The following GALNT2 variants were observed in gnomAD, a reference collection of about 807,000 sequenced individuals.
GALNT2 encodes polypeptide N-acetylgalactosaminyltransferase 2.
GALNT2 carries 31 observed loss-of-function variants against 81.4 expected under a neutral mutation model. That is an observed-to-expected ratio of 0.38 (90% CI 0.29 to 0.51). The LOEUF is 0.51. GALNT2 is among the 20% of genes least tolerant of loss of function. The pLI, the probability that GALNT2 is intolerant of heterozygous loss-of-function variation, is 0.87. For synonymous variants in GALNT2, 303 were observed against 287.4 expected, an observed-to-expected ratio of 1.05 and a Z score of -0.55; for missense variants, 629 against 765.7, an observed-to-expected ratio of 0.82 and a Z score of 2.11.
intron 1 of GALNT2, among the ~76,000 whole-genome samples, chr1:230,099,821 G>C (rs1335838419): frequency 2.0e-5 from 3 of 152,216 alleles, no homozygotes; most frequent in African/African-American, 7.2e-5. Context: ...ATGCCTGTAG[G>C]AAGGGCCAGT....
Position 230,178,445 on chromosome 1 carries a change from A to G in GALNT2, c.220+134A>G, listed in dbSNP as rs376938670. ...TCAGCAGGAGACACCGCCCTAAAGC[A>G]CTGCTTTGCCAACTTCCATCGGACC... On this transcript the variant is annotated intron_variant, in intron 2 of 15. Coordinates refer to ENST00000366672, the MANE Select transcript of GALNT2 (RefSeq NM_004481.5). 6.5e-6 allele frequency: 4 copies of G among 619,026 alleles called. No individual in the cohort carries two copies. The African/African-American group carries it at 7.4e-5, about 11-fold the overall frequency. 38.3% of individuals were successfully genotyped at this position (619,026 alleles called of 1,614,324 possible).
At chr1:230,153,829 C>G (rs1368827029) in intron 1 of GALNT2, among the ~76,000 whole-genome samples, 2 of 152,254 alleles carry the variant, frequency 1.3e-5, no homozygotes, top group African/African-American at 4.8e-5. Context: ...TGGTGGCACT[C>G]ACCATTCACT....
In GALNT2 at chr1:230,070,651, A is replaced by G; in HGVS notation, c.126+3245A>G. Among the ~76,000 whole-genome samples, 1 of 149,728 alleles carries G rather than the reference A, an allele frequency of 6.7e-6. No homozygotes were observed. Among genetic ancestry groups the G allele is most frequent in the South Asian group, 2.2e-4 (1 of 4,530 alleles). On this transcript the variant is annotated intron_variant, in intron 1 of 15. Transcript: ENST00000366672. The surrounding 1 kb of genome is among the most constrained non-coding windows in gnomAD (Gnocchi z 4.7). ...GCACGAGTCCTGTGGCCCTTGCCCG[A>G]GAGTCCAAGGGTGGGGGACTTTGGG...
At chr1:230,140,820 G>A (rs1419422252) in intron 1 of GALNT2, among the ~76,000 whole-genome samples, 3 of 152,110 alleles carry the variant, frequency 2.0e-5, no homozygotes. Context: ...AAAATAATGT[G>A]ACTCCCAGTA....
rs186934421 is a variant in GALNT2 at position 230,250,277 on chromosome 1, C to G, written c.906-180C>G. Among the ~76,000 whole-genome samples the G allele has an allele frequency of 1.6e-4, 25 of 152,292 alleles. No individual in the cohort carries two copies. In the East Asian group the frequency reaches 4.4e-3, roughly 27 times the overall value. On this transcript the variant is annotated intron_variant, in intron 9 of 15. Coordinates refer to ENST00000366672, the MANE Select transcript of GALNT2 (RefSeq NM_004481.5). ...CAGTGGGGGAGGCATTTGAAGGCAG[C>G]AGTGGTGAAGCAGAGAGAGTGGCAT...
At chr1:230,190,645 T>C (rs1663492461) in intron 2 of GALNT2, among the ~76,000 whole-genome samples, 1 of 152,140 alleles carries the variant, frequency 6.6e-6, no homozygotes, top group Non-Finnish European at 1.5e-5. Context: ...CACCCTCCTC[T>C]CTCTTCTCTC....
intron 1 of GALNT2, among the ~76,000 whole-genome samples, chr1:230,107,610 T>TTGTGTATGTG (rs1660578658): frequency 7.1e-6 from 1 of 141,116 alleles, no homozygotes; most frequent in Admixed American, 7.1e-5. Flanking sequence ...CTCATGGACT[T>TTGTGTATGTG]TGTGTGTGTG....
At position 230,243,229 on chromosome 1, in the gene GALNT2, G is replaced by T. The variant is rs950322760; in HGVS notation, c.608-77G>T. ...AGGCTGCAGAGCTGCGGGCAGGGAG[G>T]CGTCGCCGGTTGGCATGGGGTTGTG... On this transcript the variant is annotated intron_variant, in intron 6 of 15. Coordinates refer to ENST00000366672, the MANE Select transcript of GALNT2 (RefSeq NM_004481.5). This position sits in a 1 kb window ranked among gnomAD's most constrained non-coding sequence, Gnocchi z 4.2. 58 of 1,490,494 alleles carry T rather than the reference G, an allele frequency of 3.9e-5. No homozygotes were observed. The highest frequency in any genetic ancestry group is 2.6e-4 in the Admixed American group (12 of 46,446). The allele number at this position is 1,490,494 out of a possible 1,614,324, so 92.3% of individuals were successfully genotyped here.
At chr1:230,212,613 T>C (rs1303575634) in intron 3 of GALNT2, among the ~76,000 whole-genome samples, 2 of 152,110 alleles carry the variant, frequency 1.3e-5, no homozygotes, top group African/African-American at 4.8e-5. Flanking sequence ...CAGCGAGATA[T>C]ACGAGATGTG....
chr1:230,207,659 G>C (rs1664103917), intron 3 of GALNT2, among the ~76,000 whole-genome samples: 1 of 151,890 alleles, frequency 6.6e-6, no homozygotes, highest in Non-Finnish European at 1.5e-5. Context: ...TACAATTTTG[G>C]CTCACTGTAG....
chr1:230,256,908 CAAG>C (rs2102754744), intron 11 of GALNT2, among the ~76,000 whole-genome samples: 1 of 152,218 alleles, frequency 6.6e-6, no homozygotes, highest in South Asian at 2.1e-4. Flanking sequence ...TTTTCATGGT[CAAG>C]AGAACCTTTG....
intron 1 of GALNT2, among the ~76,000 whole-genome samples, chr1:230,104,447 G>A (rs1660482803): frequency 6.6e-6 from 1 of 152,172 alleles, no homozygotes; most frequent in South Asian, 2.1e-4. Context: ...CTGGTTTCCT[G>A]GCTCTGTAGC....
rs531149424 is a variant in GALNT2 at position 230,114,095 on chromosome 1, C to T, written c.126+46689C>T. ...TTTTGACGTGTGTTTCCTTTCAGTT[C>T]GGAGCTGGCTTCTGTTAGGACAGGG... On this transcript the variant is annotated intron_variant, in intron 1 of 15. Transcript: ENST00000366672. Among the ~76,000 whole-genome samples the T allele has an allele frequency of 7.2e-5, 11 of 152,212 alleles. No homozygotes were observed. The South Asian group carries it at 1.0e-3, about 14-fold the overall frequency.
chr1:230,141,182 G>T (rs1661718930), intron 1 of GALNT2, among the ~76,000 whole-genome samples: 1 of 152,214 alleles, frequency 6.6e-6, no homozygotes, highest in African/African-American at 2.4e-5. Context: ...TTTGTTGACA[G>T]TGTGTCCTGG....
rs1489111599 is a variant in GALNT2, at chr1:230,067,238, A to C, written c.-43A>C. ...CGCGCCCGCGGCCGGCCCAGGCAGC[A>C]CTCGCGAGCAGCGGCGGCCCCGCCG... On this transcript the variant is annotated 5_prime_UTR_variant, in exon 1 of 16. Transcript: ENST00000366672. The C allele has an allele frequency of 8.2e-7, 1 of 1,215,610 alleles. No homozygotes were observed. Among genetic ancestry groups the C allele is most frequent in the Admixed American group, 4.2e-5 (1 of 23,682 alleles). 75.3% of individuals were successfully genotyped at this position (1,215,610 alleles called of 1,614,324 possible). A position where few individuals can be genotyped will look rare whatever the true frequency, so the allele number is the denominator to read the frequency against.
chr1:230,058,637 C>G (rs1047139178), intron 1 of GALNT2, among the ~76,000 whole-genome samples: 1 of 152,232 alleles, frequency 6.6e-6, no homozygotes, highest in African/African-American at 2.4e-5. Context: ...AATACACAAA[C>G]AGTGCCTGGC....
At chr1:230,112,788 G>A (rs1184616681) in intron 1 of GALNT2, among the ~76,000 whole-genome samples, 1 of 146,072 alleles carries the variant, frequency 6.8e-6, no homozygotes, top group Admixed American at 6.9e-5. Flanking sequence ...CACAGTGTGT[G>A]TGGCAGGGGG....
chr1:230,068,777 C>T (rs1260684428), intron 1 of GALNT2, among the ~76,000 whole-genome samples: 1 of 152,156 alleles, frequency 6.6e-6, no homozygotes, highest in African/African-American at 2.4e-5. Flanking sequence ...GCCCTCTTTC[C>T]ACGTGCTGAA....
At chr1:230,259,411 A>G (rs1419619111) in intron 11 of GALNT2, 2 of 152,232 alleles carry the variant, frequency 1.3e-5, no homozygotes, top group African/African-American at 4.8e-5. Flanking sequence ...ACCATCAGAA[A>G]GCAAAGGCGT....
Sources: allele counts gnomAD v4.1 joint callset (sites outside exome capture counted in the v4.1 genomes callset), GRCh38; gene constraint gnomAD v4.1.1; non-coding constraint Gnocchi (gnomAD v3.1); transcripts MANE v1.5; gene names NCBI Gene and HGNC (gene_info 2026-07-23, HGNC 2026-07-21).